PARVA: variants seen among roughly 807,000 people sequenced by gnomAD.
PARVA encodes the protein parvin alpha.
A neutral mutation model predicts 52.6 loss-of-function variants in PARVA; 25 were observed. That is an observed-to-expected ratio of 0.48 (90% CI 0.35 to 0.66). The LOEUF (loss-of-function observed/expected upper bound fraction) is 0.66, where lower values mean the gene tolerates loss of function less well. Among genes scored for constraint, PARVA ranks in the 30% least tolerant of loss-of-function variants. The pLI, the probability that PARVA is intolerant of heterozygous loss-of-function variation, is 0.01. For missense variants in PARVA, 373 were observed against 450.9 expected, an observed-to-expected ratio of 0.83 and a Z score of 1.56; for synonymous variants, 185 against 179.1, an observed-to-expected ratio of 1.03 and a Z score of -0.26.
intron 1 of PARVA, among the ~76,000 whole-genome samples, chr11:12,381,423 G>A (rs928074272): frequency 6.6e-5 from 10 of 152,130 alleles, no homozygotes; most frequent in East Asian, 1.9e-4. Flanking sequence ...AGCATTCTCC[G>A]AGGCCCAAGG....
At chr11:12,393,471 C>T (rs1047868379) in intron 1 of PARVA, among the ~76,000 whole-genome samples, 5 of 152,122 alleles carry the variant, frequency 3.3e-5, no homozygotes, top group South Asian at 4.1e-4. Context: ...GCTTACAGCA[C>T]AACCTGGTGG....
chr11:12,394,024 A>G (rs1939700687), intron 1 of PARVA, among the ~76,000 whole-genome samples: 1 of 152,238 alleles, frequency 6.6e-6, no homozygotes, highest in Admixed American at 6.5e-5. Context: ...ACCAATATTA[A>G]TCAAGTATTT....
At chr11:12,414,833 GGCC>G (rs1940041903) in intron 1 of PARVA, among the ~76,000 whole-genome samples, 2 of 152,198 alleles carry the variant, frequency 1.3e-5, no homozygotes, top group South Asian at 4.1e-4. Flanking sequence ...TGTGGGTTAT[GGCC>G]AGCCCTGGAT....
intron 1 of PARVA, among the ~76,000 whole-genome samples, chr11:12,463,427 G>C (rs1369492766): frequency 6.6e-6 from 1 of 152,026 alleles, no homozygotes; most frequent in Non-Finnish European, 1.5e-5. Context: ...TATTTTTTAG[G>C]ATGCCCTCCT....
In PARVA at chr11:12,535,289, G is replaced by A. The variant is rs1357353499; in HGVS notation, c.*7364G>A. Among the ~76,000 whole-genome samples the A allele has an allele frequency of 6.6e-6, 1 of 152,218 alleles. No homozygotes were observed. The highest frequency in any genetic ancestry group is 1.5e-5 in the Non-Finnish European group (1 of 68,042). On this transcript the variant is annotated 3_prime_UTR_variant, in exon 13 of 13. Coordinates refer to ENST00000334956, the MANE Select transcript of PARVA (RefSeq NM_018222.5). ...TCATTTACAGAATTTGCCCATTCAT[G>A]TGTCTTTGTGTTTATGGATTAAATG...
chr11:12,396,931 T>C (rs74748658), intron 1 of PARVA, among the ~76,000 whole-genome samples: 2 of 145,434 alleles, frequency 1.4e-5, no homozygotes, highest in Admixed American at 6.8e-5. Flanking sequence ...GTACTTGTTT[T>C]CTTTCCTTTC....
chr11:12,496,375 A>G, intron 4 of PARVA, 83 bp from the exon 5 acceptor site: 4 of 1,037,270 alleles, frequency 3.9e-6, no homozygotes, highest in South Asian at 1.7e-5. Context: ...TGCATGAGAG[A>G]CCGAATAACT....
chr11:12,474,932 C>G (rs527816024), intron 3 of PARVA, among the ~76,000 whole-genome samples: 1 of 150,724 alleles, frequency 6.6e-6, no homozygotes, highest in Non-Finnish European at 1.5e-5. Context: ...CGCCACTGCA[C>G]TCCAGCCTGA....
rs1941773350 is a variant in PARVA at position 12,531,599 on chromosome 11, C to T, written c.*3674C>T. 6.6e-6 allele frequency among the ~76,000 whole-genome samples: 1 copy of T among 151,764 alleles called. No homozygotes were observed. The highest frequency in any genetic ancestry group is 2.4e-5 in the African/African-American group (1 of 41,282). On this transcript the variant is annotated 3_prime_UTR_variant, in exon 13 of 13. Transcript: ENST00000334956. ...CGGTAGGTGAAACAGTTTTGCCGTGCCTAAGTGGAGGCTGATCAAAACTAA... is the reference window on the plus strand; with the variant it reads ...CGGTAGGTGAAACAGTTTTGCCGTGTCTAAGTGGAGGCTGATCAAAACTAA...
At chr11:12,383,330 C>T (rs1939521458) in intron 1 of PARVA, among the ~76,000 whole-genome samples, 1 of 152,216 alleles carries the variant, frequency 6.6e-6, no homozygotes, top group Admixed American at 6.5e-5. Context: ...CTCTTTCAAG[C>T]AACACTAACT....
chr11:12,397,094 C>T lies in PARVA; in HGVS notation c.136+19311C>T, dbSNP rs1358420913. On this transcript the variant is annotated intron_variant, in intron 1 of 12. Transcript: ENST00000334956. ...TATGTTTCACATGGGGGATTGACCT[C>T]ATTTTTATAAACAGCTTTATGCATT... Among the ~76,000 whole-genome samples the T allele has an allele frequency of 5.9e-5, 9 of 152,146 alleles. No individual in the cohort carries two copies. The East Asian group carries it at 1.7e-3, about 29-fold the overall frequency.
At chr11:12,391,437 CT>C (rs1397768868) in intron 1 of PARVA, among the ~76,000 whole-genome samples, 3 of 152,182 alleles carry the variant, frequency 2.0e-5, no homozygotes, top group African/African-American at 7.2e-5. Context: ...CTACCTAGCC[CT>C]TTCAGTATTA....
chr11:12,517,849 C>A, intron 11 of PARVA, 138 bp downstream of exon 11: 1 of 641,294 alleles, frequency 1.6e-6, no homozygotes, highest in Non-Finnish European at 2.8e-6. Flanking sequence ...GAGGTGGGAC[C>A]CATTATAAGA....
intron 8 of PARVA, 108 bp from the exon 9 acceptor site, chr11:12,513,191 G>A (rs750475784): frequency 1.7e-5 from 15 of 861,512 alleles, no homozygotes; most frequent in Admixed American, 5.1e-5. Context: ...GCTTCCCATC[G>A]GTAGTTGACC....
intron 1 of PARVA, among the ~76,000 whole-genome samples, chr11:12,431,576 C>T (rs1269975049): frequency 2.6e-5 from 4 of 152,250 alleles, no homozygotes; most frequent in Non-Finnish European, 5.9e-5. Flanking sequence ...CATTCCCACA[C>T]CCTAGGTCTT....
intron 1 of PARVA, among the ~76,000 whole-genome samples, chr11:12,379,644 T>TG (rs34035010): frequency 0.79 from 119,719 of 152,126 alleles, 49,901 homozygotes; most frequent in East Asian, 0.92. Context: ...CTGTGTGAAA[T>TG]TTTCATGTTT....
intron 1 of PARVA, among the ~76,000 whole-genome samples, chr11:12,417,791 G>A (rs1190566356): frequency 6.6e-6 from 1 of 152,118 alleles, no homozygotes; most frequent in South Asian, 2.1e-4. Context: ...TGTCCTCAGG[G>A]CCCCCCGGGT....
At chr11:12,426,931 G>T (rs1312405958) in intron 1 of PARVA, among the ~76,000 whole-genome samples, 1 of 152,146 alleles carries the variant, frequency 6.6e-6, no homozygotes, top group Non-Finnish European at 1.5e-5. Flanking sequence ...TGAGGATGGG[G>T]CAGAGAAAGG....
chr11:12,429,088 C>T (rs1940278237), intron 1 of PARVA, among the ~76,000 whole-genome samples: 1 of 152,180 alleles, frequency 6.6e-6, no homozygotes, highest in South Asian at 2.1e-4. Flanking sequence ...CGTGATCCTC[C>T]TGCCCCAGCT....
Sources: gnomAD v4.1 joint callset for allele counts (sites outside exome capture counted in the v4.1 genomes callset) on GRCh38, gnomAD v4.1.1 for gene constraint, MANE v1.5 for transcripts, NCBI Gene and HGNC (gene_info 2026-07-23, HGNC 2026-07-21) for gene names.